The following MMP16 variants were observed in gnomAD, a reference collection of about 807,000 sequenced individuals.
MMP16 encodes the protein matrix metallopeptidase 16.
In MMP16, 12 loss-of-function variants were observed where a neutral mutation model predicts 67.8. The ratio of observed to expected loss-of-function variants is 0.18; its 90% CI spans 0.11 to 0.29. The LOEUF (loss-of-function observed/expected upper bound fraction) is 0.29. Ranked by LOEUF, MMP16 falls within the 10% of genes least tolerant of loss-of-function variation. The pLI is 1.00. For missense variants in MMP16, 475 were observed against 765.7 expected, an observed-to-expected ratio of 0.62 and a Z score of 4.48; for synonymous variants, 249 against 255.9, an observed-to-expected ratio of 0.97 and a Z score of 0.26.
At chr8:88,059,943 T>C (rs140985431) in intron 7 of MMP16, among the ~76,000 whole-genome samples, 1 of 139,590 alleles carries the variant, frequency 7.2e-6, no homozygotes, top group Non-Finnish European at 1.6e-5. Context: ...AGAAATTGAA[T>C]AAAAGAGATG....
At chr8:88,292,521 T>C (rs1810941731) in intron 1 of MMP16, among the ~76,000 whole-genome samples, 1 of 152,144 alleles carries the variant, frequency 6.6e-6, no homozygotes, top group Non-Finnish European at 1.5e-5. Flanking sequence ...GTACCCAAAT[T>C]GCAGGATGAG....
intron 2 of MMP16, among the ~76,000 whole-genome samples, chr8:88,194,953 C>T (rs567889663): frequency 6.6e-6 from 1 of 152,080 alleles, no homozygotes; most frequent in African/African-American, 2.4e-5. Context: ...TCTATAATGC[C>T]CTATCACAGA....
chr8:88,117,094 A>T (rs1345894635), intron 5 of MMP16, among the ~76,000 whole-genome samples: 1 of 152,152 alleles, frequency 6.6e-6, no homozygotes, highest in East Asian at 1.9e-4. Flanking sequence ...AGTAAGCTCC[A>T]ACAAAGTTAA....
At chr8:88,153,857 G>T (rs1411284158) in intron 4 of MMP16, among the ~76,000 whole-genome samples, 77 of 151,844 alleles carry the variant, frequency 5.1e-4, no homozygotes, top group African/African-American at 1.2e-3. Flanking sequence ...AAAGCCAAAA[G>T]TGACAAATGG....
chr8:88,138,828 A>G (rs912291925), intron 4 of MMP16, among the ~76,000 whole-genome samples: 1 of 152,038 alleles, frequency 6.6e-6, no homozygotes, highest in African/African-American at 2.4e-5. Flanking sequence ...ACACATATAC[A>G]TATACATACA....
chr8:88,175,752 G>A (rs558529964), intron 3 of MMP16, among the ~76,000 whole-genome samples: 5 of 152,182 alleles, frequency 3.3e-5, no homozygotes, highest in East Asian at 1.9e-4. Context: ...TGTAGTTCCC[G>A]TAATCCCCAT....
chr8:88,276,429 T>C (rs1810650164), intron 1 of MMP16, among the ~76,000 whole-genome samples: 1 of 152,138 alleles, frequency 6.6e-6, no homozygotes, highest in Non-Finnish European at 1.5e-5. Flanking sequence ...TTAAATAAGA[T>C]ATGAAAGTAA....
chr8:88,111,606 G>A (rs1809338555), intron 6 of MMP16, among the ~76,000 whole-genome samples: 1 of 151,626 alleles, frequency 6.6e-6, no homozygotes, highest in South Asian at 2.1e-4. Context: ...AAATAACTTT[G>A]GCTTTTATTC....
At chr8:88,174,757 C>CT (rs61133999) in intron 3 of MMP16, among the ~76,000 whole-genome samples, 11,354 of 139,708 alleles carry the variant, frequency 0.081, 481 homozygotes, top group East Asian at 0.16. Flanking sequence ...ATTTTGACTG[C>CT]TTTTTTTTTT....
intron 1 of MMP16, among the ~76,000 whole-genome samples, chr8:88,233,429 C>T (rs1809893475): frequency 6.6e-6 from 1 of 152,092 alleles, no homozygotes; most frequent in Non-Finnish European, 1.5e-5. Context: ...TCCTTCCCAC[C>T]ATAATGTCCT....
chr8:88,174,268 A>G (rs1808849740), intron 3 of MMP16, among the ~76,000 whole-genome samples: 1 of 152,194 alleles, frequency 6.6e-6, no homozygotes, highest in African/African-American at 2.4e-5. Flanking sequence ...TATCTGTCCC[A>G]TTGGCCATTT....
intron 1 of MMP16, among the ~76,000 whole-genome samples, chr8:88,294,395 C>T (rs748538193): frequency 5.3e-5 from 8 of 150,166 alleles, no homozygotes; most frequent in Middle Eastern, 3.6e-3. Flanking sequence ...CACATATATA[C>T]ATATGTATAT....
chr8:88,041,772 T>G lies in MMP16; in HGVS notation c.1513A>C (p.Lys505Gln). The change falls in exon 10 of 10, where the codon AAG becomes CAG. Residue 505 changes from lysine (K) to glutamine (Q), a missense_variant. Coordinates refer to ENST00000286614, the MANE Select transcript of MMP16 (RefSeq NM_005941.5). This position sits in a 1 kb window ranked among gnomAD's most constrained non-coding sequence, Gnocchi z 6.0. ...ENGFTYFYKG[K>Q]EYWKFNNQIL... ...TGGTTGTTGAATTTCCAATACTCCTTTCCTTTGTAGAAATACGTAAAGCCT... is the reference window on the plus strand; with the variant it reads ...TGGTTGTTGAATTTCCAATACTCCTGTCCTTTGTAGAAATACGTAAAGCCT... 3 of 1,611,286 alleles carry G rather than the reference T, an allele frequency of 1.9e-6. No homozygotes were observed. Among genetic ancestry groups the G allele is most frequent in the Non-Finnish European group, 1.7e-6 (2 of 1,178,706 alleles).
At chr8:88,100,712 G>A (rs548562643) in intron 6 of MMP16, among the ~76,000 whole-genome samples, 2 of 152,098 alleles carry the variant, frequency 1.3e-5, no homozygotes, top group South Asian at 4.1e-4. Flanking sequence ...CAATAGCAAA[G>A]ACTTGGAACC....
At chr8:88,196,450 A>C (rs1809258394) in intron 2 of MMP16, among the ~76,000 whole-genome samples, 2 of 152,164 alleles carry the variant, frequency 1.3e-5, no homozygotes, top group Admixed American at 6.6e-5. Context: ...CCTTTGATGA[A>C]GAGATTATGC....
chr8:88,181,928 G>T (rs1027827955), intron 3 of MMP16, among the ~76,000 whole-genome samples: 10 of 152,010 alleles, frequency 6.6e-5, no homozygotes, highest in African/African-American at 2.4e-4. Context: ...TCAACAAATG[G>T]TGTTAGAACA....
chr8:88,136,135 T>C (rs117639719), intron 4 of MMP16, among the ~76,000 whole-genome samples: 12,200 of 151,692 alleles, frequency 0.08, 673 homozygotes, highest in Non-Finnish European at 0.11. Flanking sequence ...GAGCTAAACT[T>C]TTTAATAAAG....
In MMP16 at chr8:88,327,413, G is replaced by C. The variant is rs28907874; in HGVS notation, c.-207C>G. 1 of 552,362 alleles carries C rather than the reference G, an allele frequency of 1.8e-6. No individual in the cohort carries two copies. Among genetic ancestry groups the C allele is most frequent in the Non-Finnish European group, 3.2e-6 (1 of 309,450 alleles). 34.2% of individuals were successfully genotyped at this position (552,362 alleles called of 1,614,324 possible). A position where few individuals can be genotyped will look rare whatever the true frequency, so the allele number is the denominator to read the frequency against. ...AGCGGCGAAGACAGGGTCAGCAGTAGTTCCTGTTCACCATCCTCCGGGGTC... is the reference window on the plus strand; with the variant it reads ...AGCGGCGAAGACAGGGTCAGCAGTACTTCCTGTTCACCATCCTCCGGGGTC... On this transcript the variant is annotated 5_prime_UTR_variant, in exon 1 of 10. Coordinates refer to ENST00000286614, the MANE Select transcript of MMP16 (RefSeq NM_005941.5).
In MMP16 at chr8:88,327,322, C is replaced by A. The variant is rs1432401980; in HGVS notation, c.-116G>T. ...GTCCTCCGGGTGGGTAAGGAGCCTG[C>A]AGGTTCACCCACAGCCGGGCAAGGG... On this transcript the variant is annotated 5_prime_UTR_variant, in exon 1 of 10. Coordinates refer to ENST00000286614, the MANE Select transcript of MMP16 (RefSeq NM_005941.5). The A allele has an allele frequency of 1.4e-6, 2 of 1,393,532 alleles. No homozygotes were observed. Among genetic ancestry groups the A allele is most frequent in the South Asian group, 2.5e-5 (2 of 79,468 alleles). The allele number at this position is 1,393,532 out of a possible 1,614,324, so 86.3% of individuals were successfully genotyped here.
Sources: allele counts gnomAD v4.1 joint callset (sites outside exome capture counted in the v4.1 genomes callset), GRCh38; gene constraint gnomAD v4.1.1; non-coding constraint Gnocchi (gnomAD v3.1); transcripts MANE v1.5; gene names NCBI Gene and HGNC (gene_info 2026-07-23, HGNC 2026-07-21).